Variants in L3MBTL1 observed in about 807,000 individuals in gnomAD.
L3MBTL1 encodes L3MBTL histone methyl-lysine binding protein 1, also known as lethal(3)malignant brain tumor-like protein 1.
L3MBTL1 carries 75 observed loss-of-function variants against 105.3 expected under a neutral mutation model. The observed-to-expected ratio is 0.71, with a 90% confidence interval of 0.59 to 0.86. The LOEUF (loss-of-function observed/expected upper bound fraction) is 0.86, where lower values mean the gene tolerates loss of function less well. L3MBTL1 is among the 40% of genes least tolerant of loss of function. L3MBTL1 has a pLI of 0.00. For missense variants in L3MBTL1, 1,069 were observed against 1,126.4 expected (o/e 0.95, Z 0.73); for synonymous variants, 452 against 436.2 (o/e 1.04, Z -0.45).
At position 43,530,837 on chromosome 20, in the gene L3MBTL1, G is replaced by T. The variant is rs750189899; in HGVS notation, c.1232G>T (p.Arg411Leu). Residue 411 changes from arginine to leucine, a missense_variant, in exon 11 of 22, where the codon CGC (arginine) becomes CTC (leucine). Physicochemically the swap from Arg to Leu is moderately radical, Grantham distance 102. Coordinates refer to ENST00000418998, the MANE Select transcript of L3MBTL1 (RefSeq NM_001377303.1). ...GAGTTCAGCTGGAGCCAGTACCTGC[G>T]CAGCACAAGAGCTCAGGCTGCCCCC... ...EEEFSWSQYL[R>L]STRAQAAPKH... The T allele has an allele frequency of 6.2e-6, 10 of 1,614,068 alleles. No homozygotes were observed. In the Admixed American group the frequency reaches 6.7e-5, roughly 11 times the overall value.
At chr20:43,526,977 G>A (rs1208963383) in intron 7 of L3MBTL1, among the ~76,000 whole-genome samples, 1 of 151,944 alleles carries the variant, frequency 6.6e-6, no homozygotes, top group African/African-American at 2.4e-5. Flanking sequence ...AAAAACAGGT[G>A]CCTCTAGCCA....
At chr20:43,545,178 C>A (rs1216159039), downstream of L3MBTL1, among the ~76,000 whole-genome samples, 1 of 151,938 alleles carries the variant, frequency 6.6e-6, no homozygotes, top group Non-Finnish European at 1.5e-5. Flanking sequence ...GCAGCCTGGC[C>A]AACATGGTGA....
At chr20:43,544,937 G>C (rs1014563239), downstream of L3MBTL1, among the ~76,000 whole-genome samples, 1 of 152,170 alleles carries the variant, frequency 6.6e-6, no homozygotes, top group Admixed American at 6.5e-5. Context: ...CTGCACTCCA[G>C]CCTGGGCACA....
chr20:43,531,200 C>T (rs942423956), intron 11 of L3MBTL1: 2 of 303,786 alleles, frequency 6.6e-6, no homozygotes, highest in Admixed American at 4.6e-5. Flanking sequence ...TATATTCTTG[C>T]TTTGGCTTGC....
intron 15 of L3MBTL1, 153 bp downstream of exon 15, chr20:43,534,547 G>C (rs2019507304): frequency 3.0e-6 from 2 of 660,414 alleles, no homozygotes; most frequent in Admixed American, 5.5e-5. Context: ...ATTTTTGTGG[G>C]CTTGGACAAG....
At chr20:43,540,868 C>T (rs775537073) in intron 21 of L3MBTL1, 53 bp downstream of exon 21, 8 of 1,612,112 alleles carry the variant, frequency 5.0e-6, no homozygotes, top group African/African-American at 2.7e-5. Context: ...GTCCTTAAGA[C>T]GGCAGGAAGC....
At chr20:43,537,705 G>T (rs1045150243) in intron 19 of L3MBTL1, among the ~76,000 whole-genome samples, 1 of 152,140 alleles carries the variant, frequency 6.6e-6, no homozygotes, top group Non-Finnish European at 1.5e-5. Flanking sequence ...CAGCAGGGAC[G>T]CCTCAGTTGA....
At chr20:43,508,451 G>T (rs1057007393) in intron 1 of L3MBTL1, among the ~76,000 whole-genome samples, 5 of 152,202 alleles carry the variant, frequency 3.3e-5, no homozygotes, top group Non-Finnish European at 5.9e-5. Context: ...GCTCAGCCTT[G>T]CTGTGTGTTG....
At chr20:43,539,666 CA>C in intron 19 of L3MBTL1, 1 of 252,408 alleles carries the variant, frequency 4.0e-6, no homozygotes, top group Non-Finnish European at 7.9e-6. Context: ...TCAGCCTGGT[CA>C]GGGGGACTGT....
downstream of L3MBTL1, among the ~76,000 whole-genome samples, chr20:43,546,637 T>A (rs910687712): frequency 1.6e-4 from 25 of 152,030 alleles, no homozygotes; most frequent in African/African-American, 6.0e-4. Flanking sequence ...CCCAGCTCAG[T>A]CTCTTGACCC....
intron 7 of L3MBTL1, among the ~76,000 whole-genome samples, chr20:43,517,508 T>C (rs1204177771): frequency 6.6e-6 from 1 of 152,238 alleles, no homozygotes; most frequent in Non-Finnish European, 1.5e-5. Flanking sequence ...GCTCAAGGGA[T>C]CCTCCTGCCC....
At chr20:43,514,109 G>A (rs1420478755) in intron 3 of L3MBTL1, 48 bp downstream of exon 3, 3 of 1,471,278 alleles carry the variant, frequency 2.0e-6, no homozygotes, top group East Asian at 4.9e-5. Flanking sequence ...GCAGCCATGG[G>A]GCGGGGCTTG....
chr20:43,548,101 A>C, intron 18 of L3MBTL1: 2 of 1,266,282 alleles, frequency 1.6e-6, no homozygotes, highest in Non-Finnish European at 2.1e-6. Flanking sequence ...TCCCTCCCGC[A>C]ACCCCTCAGA....
intron 16 of L3MBTL1, 24 bp from the exon 17 acceptor site, chr20:43,535,813 A>G (rs2019575334): frequency 1.3e-6 from 2 of 1,500,518 alleles, no homozygotes; most frequent in Middle Eastern, 1.8e-4. Flanking sequence ...CTCCATGAGG[A>G]CCGCCTCCTT....
intron 3 of L3MBTL1, 147 bp from the exon 4 acceptor site, chr20:43,514,488 C>T: frequency 6.5e-7 from 1 of 1,534,200 alleles, no homozygotes; most frequent in Non-Finnish European, 8.8e-7. Flanking sequence ...GCTGGTGTAG[C>T]TTGGAGTGAG....
Position 43,528,705 on chromosome 20 carries a change from A to G in L3MBTL1, c.911A>G (p.Glu304Gly). 1.2e-6 allele frequency: 2 copies of G among 1,614,094 alleles called. No homozygotes were observed. The highest frequency in any genetic ancestry group is 1.7e-6 in the Non-Finnish European group (2 of 1,179,990). ...ECWSWESYLE[E>G]QKAITAPVSL... Reference sequence around the variant, plus strand: ...TGGTCGTGGGAGTCCTACCTAGAGGAGCAGAAGGCCATTACTGCTCCAGTC... The same window carrying G: ...TGGTCGTGGGAGTCCTACCTAGAGGGGCAGAAGGCCATTACTGCTCCAGTC... Residue 304 changes from glutamate (E) to glycine (G), a missense_variant, in exon 8 of 22, where the codon GAG becomes GGG. By Grantham distance (98) the Glu-to-Gly change is moderately conservative. Transcript: ENST00000418998.
In L3MBTL1 at chr20:43,540,265, C is replaced by A; in HGVS notation, c.2288C>A (p.Ala763Glu). The A allele has an allele frequency of 6.2e-7, 1 of 1,613,796 alleles. No individual in the cohort carries two copies. Among genetic ancestry groups the A allele is most frequent in the Non-Finnish European group, 8.5e-7 (1 of 1,180,016 alleles). The change falls in exon 20 of 22, where the codon GCG (alanine) becomes GAG (glutamate). Residue 763 changes from alanine to glutamate, a missense_variant. Transcript: ENST00000418998. Reference sequence around the variant, plus strand: ...CACTGCAAGCTCCTGCCAGGAGTAGCGGGCATCTCAGCCTCGACAGTCGCC... The same window carrying A: ...CACTGCAAGCTCCTGCCAGGAGTAGAGGGCATCTCAGCCTCGACAGTCGCC... Reference protein sequence around the residue: ...EQHCKLLPGVAGISASTVAKW... With the variant: ...EQHCKLLPGVEGISASTVAKW...
intron 7 of L3MBTL1, among the ~76,000 whole-genome samples, chr20:43,528,075 T>C (rs1164729035): frequency 1.3e-5 from 2 of 152,194 alleles, no homozygotes; most frequent in African/African-American, 2.4e-5. Flanking sequence ...GTATTTTTAG[T>C]GGAGACGGGG....
At chr20:43,533,233 C>G in intron 12 of L3MBTL1, 109 bp from the exon 13 acceptor site, 1 of 950,054 alleles carries the variant, frequency 1.1e-6, no homozygotes, top group Non-Finnish European at 1.6e-6. Flanking sequence ...CATCTGTCTC[C>G]CTCTCACTAA....
Sources: allele counts gnomAD v4.1 joint callset (sites outside exome capture counted in the v4.1 genomes callset), GRCh38; gene constraint gnomAD v4.1.1; transcripts MANE v1.5; gene names NCBI Gene and HGNC (gene_info 2026-07-23, HGNC 2026-07-21).